The following CTTNBP2NL variants were observed in gnomAD, a reference collection of about 807,000 sequenced individuals.
CTTNBP2NL encodes CTTNBP2 N-terminal like.
Under a neutral mutation model 32.5 loss-of-function variants are expected in CTTNBP2NL, and 16 were observed. The observed-to-expected ratio is 0.49, with a 90% CI of 0.33 to 0.75. The LOEUF (loss-of-function observed/expected upper bound fraction) is 0.75, where lower values mean the gene tolerates loss of function less well. CTTNBP2NL is among the 30% of genes least tolerant of loss of function. The pLI is 0.02. For missense variants in CTTNBP2NL, 645 were observed against 756.0 expected (o/e 0.85, Z 1.72); for synonymous variants, 298 against 289.4 (o/e 1.03, Z -0.30).
At chr1:112,452,335 C>CTTCTTTTT (rs1553227272) in intron 4 of CTTNBP2NL, among the ~76,000 whole-genome samples, 2 of 65,688 alleles carry the variant, frequency 3.0e-5, no homozygotes, top group African/African-American at 1.2e-4. Context: ...CCAGTCTCTT[C>CTTCTTTTT]TTTTTTTTTT....
At chr1:112,394,872 C>T (rs961563113), upstream of CTTNBP2NL, among the ~76,000 whole-genome samples, 2 of 152,182 alleles carry the variant, frequency 1.3e-5, no homozygotes, top group African/African-American at 4.8e-5. Context: ...TCTCTATCTT[C>T]TCATCTGTAA....
In CTTNBP2NL at chr1:112,459,973, G is replaced by A. The variant is rs1650499640; in HGVS notation, c.*2561G>A. ...GATAAATAAGCACAATCTTGCAATG[G>A]ATCCAATAACCCAGTTAGGTATTAT... On this transcript the variant is annotated 3_prime_UTR_variant, in exon 6 of 6. Transcript: ENST00000271277. 6.6e-6 allele frequency: 1 copy of A among 152,158 alleles called. No homozygotes were observed. The highest frequency in any genetic ancestry group is 2.4e-5 in the African/African-American group (1 of 41,434). 9.4% of individuals were successfully genotyped at this position (152,158 alleles called of 1,614,324 possible).
intron 3 of CTTNBP2NL, among the ~76,000 whole-genome samples, chr1:112,433,984 C>T (rs537520067): frequency 4.6e-5 from 7 of 152,112 alleles, no homozygotes; most frequent in Admixed American, 2.0e-4. Context: ...GCAGTCTTTC[C>T]GCCTTGGCCT....
chr1:112,416,245 T>C lies in CTTNBP2NL; in HGVS notation c.80T>C (p.Leu27Pro). Residue 27 changes from leucine (L) to proline (P), a missense_variant, in exon 3 of 6, where the codon CTT (leucine) becomes CCT (proline). Leu to Pro is a moderately conservative substitution (Grantham distance 98). Coordinates refer to ENST00000271277, the MANE Select transcript of CTTNBP2NL (RefSeq NM_018704.3). ...ILEGELEARD[L>P]VIEALKAQHR... Reference sequence around the variant, plus strand: ...GAAGGAGAGCTTGAAGCAAGGGACCTTGTTATAGAAGCCTTAAAGGTATGT... The same window carrying C: ...GAAGGAGAGCTTGAAGCAAGGGACCCTGTTATAGAAGCCTTAAAGGTATGT... 1 of 1,585,672 alleles carries C rather than the reference T, an allele frequency of 6.3e-7. No homozygotes were observed. Among genetic ancestry groups the C allele is most frequent in the Non-Finnish European group, 8.6e-7 (1 of 1,160,086 alleles).
At chr1:112,407,372 G>A (rs1384626137) in intron 1 of CTTNBP2NL, among the ~76,000 whole-genome samples, 1 of 152,172 alleles carries the variant, frequency 6.6e-6, no homozygotes. Flanking sequence ...GAGCCTAGAA[G>A]TCTGAGATCA....
In CTTNBP2NL at chr1:112,403,200, G is replaced by A. The variant is rs556480753; in HGVS notation, c.-134+6928G>A. ...ACCTATGCTGTTAAATTTTTTTCCCGACTACTCTTTCTGTTTCCATTTTCT... is the reference window on the plus strand; with the variant it reads ...ACCTATGCTGTTAAATTTTTTTCCCAACTACTCTTTCTGTTTCCATTTTCT... On this transcript the variant is annotated intron_variant, in intron 1 of 5. Transcript: ENST00000271277. Among the ~76,000 whole-genome samples the A allele has an allele frequency of 5.9e-5, 9 of 151,736 alleles. No homozygotes were observed. The South Asian group carries it at 1.7e-3, about 28-fold the overall frequency.
At chr1:112,442,186 C>T (rs982425480) in intron 3 of CTTNBP2NL, among the ~76,000 whole-genome samples, 3 of 151,682 alleles carry the variant, frequency 2.0e-5, no homozygotes, top group Admixed American at 6.6e-5. Flanking sequence ...AGTGCAGTGG[C>T]GCGATCTCGG....
Position 112,456,043 on chromosome 1 carries a change from T to C in CTTNBP2NL, c.551T>C (p.Leu184Pro), listed in dbSNP as rs780718247. ...AAGCAGCTCTCATCCATGCTAGTGC[T>C]TGAGTGCAAGAAAGCCACCAACAAG... The part of the protein sequence containing the change: ...RHKQLSSMLV[L>P]ECKKATNKAA... The change falls in exon 6 of 6, where the codon CTT becomes CCT. Residue 184 changes from leucine (L) to proline (P), a missense_variant. Coordinates refer to ENST00000271277, the MANE Select transcript of CTTNBP2NL (RefSeq NM_018704.3). 5.6e-6 allele frequency: 9 copies of C among 1,614,000 alleles called. No homozygotes were observed. Among genetic ancestry groups the C allele is most frequent in the Non-Finnish European group, 7.6e-6 (9 of 1,180,020 alleles).
chr1:112,398,787 T>A (rs1648404727), intron 1 of CTTNBP2NL, among the ~76,000 whole-genome samples: 1 of 130,336 alleles, frequency 7.7e-6, no homozygotes, highest in Non-Finnish European at 1.6e-5. Context: ...CTCTCCAGCC[T>A]GGGCAGCAGA....
intron 3 of CTTNBP2NL, among the ~76,000 whole-genome samples, chr1:112,447,861 C>T (rs1484047940): frequency 6.6e-6 from 1 of 152,104 alleles, no homozygotes; most frequent in Non-Finnish European, 1.5e-5. Context: ...TTATATAGTA[C>T]TTTGCTGTGA....
intron 1 of CTTNBP2NL, among the ~76,000 whole-genome samples, chr1:112,408,047 A>G (rs1648729157): frequency 6.6e-6 from 1 of 151,488 alleles, no homozygotes; most frequent in African/African-American, 2.4e-5. Context: ...GGATTTTGCC[A>G]TGTTGTCCAG....
At chr1:112,419,091 C>A (rs1036894074) in intron 3 of CTTNBP2NL, among the ~76,000 whole-genome samples, 1 of 152,132 alleles carries the variant, frequency 6.6e-6, no homozygotes, top group Admixed American at 6.5e-5. Context: ...GTCTTGAATT[C>A]GTTTCCATTG....
upstream of CTTNBP2NL, among the ~76,000 whole-genome samples, chr1:112,394,941 A>AATC (rs1648272909): frequency 6.6e-6 from 1 of 152,208 alleles, no homozygotes; most frequent in South Asian, 2.1e-4. Flanking sequence ...CAGCACTGAA[A>AATC]ATGACATCAA....
intron 1 of CTTNBP2NL, among the ~76,000 whole-genome samples, chr1:112,409,435 GA>G (rs1648789143): frequency 1.3e-5 from 2 of 152,078 alleles, no homozygotes; most frequent in South Asian, 2.1e-4. Context: ...GATCTATATA[GA>G]TTTTTTTGAG....
chr1:112,456,249 C>A lies in CTTNBP2NL; in HGVS notation c.757C>A (p.Leu253Met), dbSNP rs147369044. ...CGAAAGGGAACAACTGAGAGCAAAA[C>A]TGAACCGAGAAGAGAACCGGACCAA... The part of the protein sequence containing the change: ...DIEREQLRAK[L>M]NREENRTKTL... The change falls in exon 6 of 6, where the codon CTG becomes ATG. Residue 253 changes from leucine to methionine, a missense_variant. By Grantham distance (15) the Leu-to-Met change is conservative (BLOSUM62 2). Transcript: ENST00000271277. 1.9e-5 allele frequency: 31 copies of A among 1,613,980 alleles called. No individual in the cohort carries two copies. In the African/African-American group the frequency reaches 3.9e-4, roughly 20 times the overall value.
chr1:112,408,471 T>C (rs935098519), intron 1 of CTTNBP2NL, among the ~76,000 whole-genome samples: 8 of 152,132 alleles, frequency 5.3e-5, no homozygotes, highest in African/African-American at 1.9e-4. Context: ...AAATAATCCT[T>C]CTGAAAAATT....
chr1:112,407,840 CTT>C (rs869134559), intron 1 of CTTNBP2NL, among the ~76,000 whole-genome samples: 7,397 of 95,690 alleles, frequency 0.077, 328 homozygotes, highest in African/African-American at 0.28. Context: ...TTTTTTCTTT[CTT>C]TTTTTTTTTT....
intron 3 of CTTNBP2NL, among the ~76,000 whole-genome samples, chr1:112,427,560 A>G (rs1176172261): frequency 6.6e-6 from 1 of 152,204 alleles, no homozygotes; most frequent in Non-Finnish European, 1.5e-5. Context: ...CAGACAACCC[A>G]TGATAACATA....
intron 3 of CTTNBP2NL, among the ~76,000 whole-genome samples, chr1:112,438,999 C>T (rs1291770748): frequency 1.3e-5 from 2 of 152,222 alleles, no homozygotes; most frequent in African/African-American, 4.8e-5. Flanking sequence ...TGGTTGAAAC[C>T]GAATAACTAG....
Sources: allele counts gnomAD v4.1 joint callset (sites outside exome capture counted in the v4.1 genomes callset), GRCh38; gene constraint gnomAD v4.1.1; transcripts MANE v1.5; gene names NCBI Gene and HGNC (gene_info 2026-07-23, HGNC 2026-07-21).